Variants in MYO16 observed in about 807,000 individuals in gnomAD.
The protein encoded by MYO16 is unconventional myosin-XVI.
Under a neutral mutation model 205.3 loss-of-function variants are expected in MYO16, and 94 were observed. The observed-to-expected ratio is 0.46, with a 90% CI of 0.39 to 0.54. MYO16 has a LOEUF of 0.54. Among genes scored for constraint, MYO16 ranks in the 20% least tolerant of loss-of-function variants. MYO16 has a pLI of 0.00. For missense variants in MYO16, 2,315 were observed against 2,387.5 expected, an observed-to-expected ratio of 0.97 and a Z score of 0.63; for synonymous variants, 988 against 954.0, an observed-to-expected ratio of 1.04 and a Z score of -0.66.
intron 7 of MYO16, 55 bp downstream of exon 7, chr13:108,806,859 T>C: frequency 8.2e-7 from 1 of 1,226,014 alleles, no homozygotes; most frequent in Non-Finnish European, 1.1e-6. Flanking sequence ...TAATGAATAA[T>C]TTCATATTCA....
At chr13:108,962,339 C>T in intron 18 of MYO16, 85 bp from the exon 19 acceptor site, 1 of 1,068,536 alleles carries the variant, frequency 9.4e-7, no homozygotes, top group Non-Finnish European at 1.4e-6. Flanking sequence ...CTATATAAAA[C>T]TTATCAATTA....
chr13:109,044,575 A>G (rs2139587635), intron 23 of MYO16, among the ~76,000 whole-genome samples: 1 of 152,338 alleles, frequency 6.6e-6, no homozygotes, highest in Non-Finnish European at 1.5e-5. Context: ...ATAGTATGCC[A>G]GAAGAAATTA....
At chr13:108,876,048 G>A (rs1879309253) in intron 12 of MYO16, among the ~76,000 whole-genome samples, 1 of 152,128 alleles carries the variant, frequency 6.6e-6, no homozygotes, top group Admixed American at 6.5e-5. Flanking sequence ...TGGACTTGGG[G>A]AGGAGTGAAA....
At chr13:108,844,241 G>C (rs549504377) in intron 9 of MYO16, 102 bp from the exon 10 acceptor site, 44 of 902,372 alleles carry the variant, frequency 4.9e-5, no homozygotes, top group Admixed American at 7.2e-5. Flanking sequence ...TTTCTTATCT[G>C]AATAAAACCA....
At chr13:108,878,907 G>A (rs1330218510) in intron 12 of MYO16, among the ~76,000 whole-genome samples, 1 of 152,218 alleles carries the variant, frequency 6.6e-6, no homozygotes, top group Non-Finnish European at 1.5e-5. Context: ...TCACCAACAT[G>A]TAGGGTTGCA....
intron 27 of MYO16, among the ~76,000 whole-genome samples, chr13:109,095,801 G>C (rs901239986): frequency 2.0e-5 from 3 of 152,192 alleles, no homozygotes; most frequent in African/African-American, 7.2e-5. Flanking sequence ...TGGCTTTCCT[G>C]AGGGCATGAA....
At chr13:108,793,790 T>G (rs1309418944) in intron 6 of MYO16, 150 bp downstream of exon 6, 6 of 893,694 alleles carry the variant, frequency 6.7e-6, no homozygotes, top group African/African-American at 1.7e-5. Flanking sequence ...AACACCTAAG[T>G]AAGCAAAGAA....
At chr13:108,804,292 C>A (rs1000396128) in intron 6 of MYO16, among the ~76,000 whole-genome samples, 2 of 152,160 alleles carry the variant, frequency 1.3e-5, no homozygotes, top group African/African-American at 4.8e-5. Context: ...TGTAATTTTT[C>A]GTGGGAACTG....
At chr13:108,964,107 C>T (rs1013648850) in intron 19 of MYO16, among the ~76,000 whole-genome samples, 1 of 152,182 alleles carries the variant, frequency 6.6e-6, no homozygotes, top group Non-Finnish European at 1.5e-5. Context: ...GCAAGTTTGG[C>T]CAAGGCCATA....
chr13:108,551,732 G>A, the MYO16 span, among the ~76,000 whole-genome samples: 5 of 152,068 alleles, frequency 3.3e-5, no homozygotes, highest in Admixed American at 2.6e-4. Context: ...TTAATCCATA[G>A]CTATTTCTCT....
chr13:108,521,498 G>A, the MYO16 span, among the ~76,000 whole-genome samples: 10,804 of 152,236 alleles, frequency 0.071, 481 homozygotes, highest in Admixed American at 0.12. Flanking sequence ...ATCTGTTAGA[G>A]GGGAAGAGTC....
chr13:109,201,505 A>AAC (rs1206751783), intron 34 of MYO16: 1 of 151,936 alleles, frequency 6.6e-6, no homozygotes, highest in East Asian at 1.9e-4. Flanking sequence ...AAAAAAAAAA[A>AAC]AAAAAAATCT....
rs1024226716 is a variant in MYO16 at position 108,910,132 on chromosome 13, A to G, written c.1907A>G (p.Asn636Ser). 6.2e-7 allele frequency: 1 copy of G among 1,613,148 alleles called. No homozygotes were observed. The highest frequency in any genetic ancestry group is 1.7e-5 in the Admixed American group (1 of 59,972). ...SAEEKYGLHL[N>S]NLCAHRYLNQ... Reference sequence around the variant, plus strand: ...GAAGAAAAATATGGACTTCATCTTAATAATTTATGTGCACACCGGTGAGTG... The same window carrying G: ...GAAGAAAAATATGGACTTCATCTTAGTAATTTATGTGCACACCGGTGAGTG... The change falls in exon 16 of 35, where the codon AAT becomes AGT. Residue 636 changes from asparagine to serine, a missense_variant. Asn to Ser is a conservative substitution (Grantham distance 46). This residue lies in a region of MYO16 where 1,213 missense variants were observed against 1,274.4 expected (regional missense o/e 0.95). Transcript: ENST00000457511.
upstream of MYO16, chr13:108,629,597 A>G (rs1879880681): frequency 2.2e-6 from 1 of 459,418 alleles, no homozygotes; most frequent in African/African-American, 1.9e-5. Flanking sequence ...CAAGGGTGCT[A>G]CAATAGCACG....
At chr13:108,510,319 G>T in the MYO16 span, among the ~76,000 whole-genome samples, 1 of 151,514 alleles carries the variant, frequency 6.6e-6, no homozygotes, top group Non-Finnish European at 1.5e-5. Context: ...GGGTTTCACC[G>T]TGTTAGGCAG....
chr13:108,807,216 G>A (rs2138983133), intron 7 of MYO16, among the ~76,000 whole-genome samples: 1 of 152,158 alleles, frequency 6.6e-6, no homozygotes, highest in Non-Finnish European at 1.5e-5. Flanking sequence ...AAGTTAATGT[G>A]TTCATTTCAG....
intron 21 of MYO16, among the ~76,000 whole-genome samples, chr13:109,004,450 ATAT>A (rs1813300880): frequency 6.6e-6 from 1 of 152,218 alleles, no homozygotes; most frequent in Non-Finnish European, 1.5e-5. Context: ...ATGCATCAAA[ATAT>A]TATTTCTGAA....
chr13:109,129,195 A>G (rs907302265), intron 31 of MYO16, among the ~76,000 whole-genome samples: 1 of 151,752 alleles, frequency 6.6e-6, no homozygotes, highest in African/African-American at 2.4e-5. Flanking sequence ...GACCTTTAGG[A>G]TATTTTTCAC....
Position 109,115,889 on chromosome 13 carries a change from C to T in MYO16, c.3439-4481C>T, listed in dbSNP as rs187875935. Among the ~76,000 whole-genome samples, 345 of 152,184 alleles carry T rather than the reference C, an allele frequency of 2.3e-3. 4 individuals are homozygous for T. The highest frequency in any genetic ancestry group is 0.02 in the Admixed American group (299 of 15,278). Reference sequence around the variant, plus strand: ...ATTCAGAATGGTTTCTGAGGAAGAACTGCAAAATATTACTTAACTGCTAAT... The same window carrying T: ...ATTCAGAATGGTTTCTGAGGAAGAATTGCAAAATATTACTTAACTGCTAAT... On this transcript the variant is annotated intron_variant, in intron 28 of 34. Coordinates refer to ENST00000457511, the MANE Select transcript of MYO16 (RefSeq NM_001198950.3).
Sources: allele counts gnomAD v4.1 joint callset (sites outside exome capture counted in the v4.1 genomes callset), GRCh38; gene constraint gnomAD v4.1.1; regional missense constraint gnomAD v4.1.1; transcripts MANE v1.5; gene names NCBI Gene and HGNC (gene_info 2026-07-23, HGNC 2026-07-21).